Variants in TCF3 observed in about 807,000 individuals in gnomAD.
The protein encoded by TCF3 is transcription factor E2-alpha.
Under a neutral mutation model 72.3 loss-of-function variants are expected in TCF3, and 54 were observed. The observed-to-expected ratio is 0.75, with a 90% confidence interval of 0.60 to 0.94. TCF3 has a LOEUF of 0.94. TCF3 is among the 40% of genes least tolerant of loss of function. The pLI is 0.00. For missense variants in TCF3, 1,078 were observed against 934.4 expected (o/e 1.15, Z -2.00); for synonymous variants, 525 against 412.6 (o/e 1.27, Z -3.30).
In TCF3 at chr19:1,627,499, T is replaced by C. The variant is rs547715463; in HGVS notation, c.299-73A>G. ...CCTGAGGGCCCCCGAGTGCCTGCCA[T>C]GTGCCTACAATAGGCTCTCAGTAAG... On this transcript the variant is annotated intron_variant, in intron 5 of 18. Coordinates refer to ENST00000262965, the MANE Select transcript of TCF3 (RefSeq NM_003200.5). The C allele has an allele frequency of 1.1e-5, 15 of 1,395,208 alleles. No homozygotes were observed. In the East Asian group the frequency reaches 1.6e-4, roughly 15 times the overall value. 86.4% of individuals were successfully genotyped at this position (1,395,208 alleles called of 1,614,324 possible). A position where few individuals can be genotyped will look rare whatever the true frequency, so the allele number is the denominator to read the frequency against.
intron 3 of TCF3, among the ~76,000 whole-genome samples, chr19:1,645,924 G>A (rs2066018315): frequency 2.0e-5 from 3 of 152,146 alleles, no homozygotes; most frequent in South Asian, 4.1e-4. Flanking sequence ...TTAAATGAAA[G>A]TCGTCGAGGC....
At chr19:1,630,632 G>T (rs1447324879) in intron 5 of TCF3, among the ~76,000 whole-genome samples, 1 of 152,168 alleles carries the variant, frequency 6.6e-6, no homozygotes, top group Non-Finnish European at 1.5e-5. Flanking sequence ...ACTGCACCAC[G>T]AAAAGCCAGC....
intron 11 of TCF3, 108 bp from the exon 12 acceptor site, chr19:1,621,299 G>GC: frequency 7.6e-7 from 1 of 1,320,512 alleles, no homozygotes; most frequent in South Asian, 1.4e-5. Flanking sequence ...GCGCCAGGGA[G>GC]AGCAGCCTGA....
chr19:1,612,736 T>C (rs955435798), intron 18 of TCF3, among the ~76,000 whole-genome samples: 10 of 149,726 alleles, frequency 6.7e-5, no homozygotes, highest in African/African-American at 1.2e-4. Context: ...TGGGCAGCAG[T>C]GCGGGTACAC....
intron 2 of TCF3, among the ~76,000 whole-genome samples, chr19:1,648,434 G>A (rs1164467892): frequency 1.3e-5 from 2 of 152,176 alleles, no homozygotes; most frequent in South Asian, 4.1e-4. Flanking sequence ...CCCGGGATGG[G>A]GAGACGTGCT....
intron 11 of TCF3, among the ~76,000 whole-genome samples, 189 bp from the exon 12 acceptor site, chr19:1,621,380 C>T (rs867325081): frequency 2.0e-5 from 3 of 152,366 alleles, no homozygotes; most frequent in Non-Finnish European, 2.9e-5. Context: ...GGACAGGCCA[C>T]TGGCAGGGGA....
At chr19:1,618,879 G>A (rs1568349640) in intron 16 of TCF3, among the ~76,000 whole-genome samples, 2 of 152,202 alleles carry the variant, frequency 1.3e-5, no homozygotes, top group Non-Finnish European at 2.9e-5. Context: ...CAGCGTCTGG[G>A]AGCAGGCGAA....
At chr19:1,637,436 G>A (rs1450583155) in intron 3 of TCF3, among the ~76,000 whole-genome samples, 4 of 152,218 alleles carry the variant, frequency 2.6e-5, no homozygotes, top group South Asian at 2.1e-4. Context: ...AGCTGGCCCC[G>A]AGAGTGGGCA....
In TCF3 at chr19:1,634,756, G is replaced by A. The variant is rs865941632; in HGVS notation, c.146-2351C>T. 3.3e-5 allele frequency among the ~76,000 whole-genome samples: 5 copies of A among 152,350 alleles called. No individual in the cohort carries two copies. In the South Asian group the frequency reaches 6.2e-4, roughly 19 times the overall value. On this transcript the variant is annotated intron_variant, in intron 3 of 18. Coordinates refer to ENST00000262965, the MANE Select transcript of TCF3 (RefSeq NM_003200.5). ...GTAGGACTGAGATTGGTCTGCAGCA[G>A]GGATCTGCAAACAGTACACAAGGAC...
At chr19:1,624,062 C>G (rs973906634) in intron 7 of TCF3, 62 bp from the exon 8 acceptor site, 2 of 1,542,552 alleles carry the variant, frequency 1.3e-6, no homozygotes, top group Non-Finnish European at 1.8e-6. Context: ...CTGCCCTACA[C>G]CCTGGAGGAG....
At chr19:1,631,014 GCCCTT>G (rs1009854294) in intron 5 of TCF3, among the ~76,000 whole-genome samples, 1 of 152,244 alleles carries the variant, frequency 6.6e-6, no homozygotes, top group African/African-American at 2.4e-5. Flanking sequence ...CGGCCAGGGT[GCCCTT>G]CCCAAGCGTC....
At chr19:1,623,798 T>G (rs2062550779) in intron 8 of TCF3, among the ~76,000 whole-genome samples, 153 bp downstream of exon 8, 1 of 152,130 alleles carries the variant, frequency 6.6e-6, no homozygotes, top group Non-Finnish European at 1.5e-5. Flanking sequence ...GGAGGCGGCC[T>G]CGGGTCAGAG....
At chr19:1,618,993 A>G in intron 16 of TCF3, 118 bp downstream of exon 16, 1 of 1,516,698 alleles carries the variant, frequency 6.6e-7, no homozygotes, top group Non-Finnish European at 8.8e-7. Context: ...CGCCCATGTC[A>G]CCAGGTGCCC....
At chr19:1,618,896 G>C (rs1037177006) in intron 16 of TCF3, among the ~76,000 whole-genome samples, 1 of 152,208 alleles carries the variant, frequency 6.6e-6, no homozygotes, top group Non-Finnish European at 1.5e-5. Flanking sequence ...CGAATGAAGA[G>C]GCAGCCCAGA....
intron 4 of TCF3, 101 bp downstream of exon 4, chr19:1,632,231 G>A (rs1777352146): frequency 6.5e-7 from 1 of 1,544,294 alleles, no homozygotes; most frequent in African/African-American, 1.4e-5. Context: ...CCAAACCCCT[G>A]GAAGGCTGGC....
At chr19:1,646,334 G>A (rs994708841) in intron 3 of TCF3, 21 bp downstream of exon 3, 189 of 1,549,476 alleles carry the variant, frequency 1.2e-4, no homozygotes, top group Non-Finnish European at 1.6e-4. Context: ...CACGAGCGCT[G>A]GCAGGAAGGC....
intron 7 of TCF3, 72 bp from the exon 8 acceptor site, chr19:1,624,072 G>C (rs533146391): frequency 6.7e-7 from 1 of 1,482,338 alleles, no homozygotes; most frequent in Admixed American, 1.8e-5. Flanking sequence ...CCCTGGAGGA[G>C]AGACCCTCAC....
intron 3 of TCF3, among the ~76,000 whole-genome samples, chr19:1,635,354 C>A (rs1478010349): frequency 6.6e-6 from 1 of 152,230 alleles, no homozygotes; most frequent in Non-Finnish European, 1.5e-5. Context: ...CATCCTCAGG[C>A]AGCCGGATGG....
intron 1 of TCF3, chr19:1,650,637 ACT>A (rs2066874885): frequency 1.6e-5 from 4 of 250,504 alleles, no homozygotes; most frequent in Admixed American, 1.1e-4. Context: ...CCTTTCTCCA[ACT>A]CTCTCATTTC....
Sources: allele counts gnomAD v4.1 joint callset (sites outside exome capture counted in the v4.1 genomes callset), GRCh38; gene constraint gnomAD v4.1.1; transcripts MANE v1.5; gene names NCBI Gene and HGNC (gene_info 2026-07-23, HGNC 2026-07-21).